The following ABHD18 variants were observed in gnomAD, a reference collection of about 807,000 sequenced individuals.
ABHD18 encodes the protein cardiolipin-specific deacylase, mitochondrial.
In ABHD18, 55 loss-of-function variants were observed where a neutral mutation model predicts 65.9. The ratio of observed to expected loss-of-function variants is 0.84; its 90% CI spans 0.67 to 1.05. ABHD18 has a LOEUF of 1.05. ABHD18 is among the 50% of genes least tolerant of loss of function. The pLI is 0.00. For missense variants in ABHD18, 533 were observed against 558.5 expected, an observed-to-expected ratio of 0.95 and a Z score of 0.46; for synonymous variants, 181 against 180.2, an observed-to-expected ratio of 1.00 and a Z score of -0.04.
At chr4:128,009,258 A>G in intron 6 of ABHD18, 67 bp downstream of exon 6, 1 of 1,041,826 alleles carries the variant, frequency 9.6e-7, no homozygotes, top group Non-Finnish European at 1.3e-6. Context: ...AGTCATCAAA[A>G]GGAATGATAG....
At chr4:127,968,065 C>T (rs1023634252) in intron 1 of ABHD18, among the ~76,000 whole-genome samples, 28 of 152,230 alleles carry the variant, frequency 1.8e-4, no homozygotes, top group Middle Eastern at 3.4e-3. Context: ...AAAAAGTAGC[C>T]GGGCGTGGTG....
intron 1 of ABHD18, among the ~76,000 whole-genome samples, chr4:127,971,778 G>A (rs765613209): frequency 1.4e-4 from 22 of 152,082 alleles, no homozygotes; most frequent in South Asian, 6.2e-4. Flanking sequence ...GTGAGCCACC[G>A]CACCTGGCCT....
chr4:128,019,894 G>T (rs1364509861), intron 8 of ABHD18, among the ~76,000 whole-genome samples, 186 bp from the exon 9 acceptor site: 1 of 152,144 alleles, frequency 6.6e-6, no homozygotes, highest in Non-Finnish European at 1.5e-5. Context: ...TATCTAAGGG[G>T]GAAATTAAAT....
chr4:128,003,509 C>T (rs1753044815), intron 4 of ABHD18, among the ~76,000 whole-genome samples: 1 of 151,140 alleles, frequency 6.6e-6, no homozygotes, highest in Admixed American at 6.6e-5. Flanking sequence ...CCCAATTAAT[C>T]TAAAAAAAAG....
chr4:128,006,040 G>A (rs192834339), intron 4 of ABHD18, among the ~76,000 whole-genome samples: 2 of 152,184 alleles, frequency 1.3e-5, no homozygotes, highest in African/African-American at 4.8e-5. Flanking sequence ...GCCCTAATTT[G>A]GCTTATGCTT....
At chr4:128,014,045 G>T (rs557212541) in intron 7 of ABHD18, among the ~76,000 whole-genome samples, 1 of 146,268 alleles carries the variant, frequency 6.8e-6, no homozygotes, top group South Asian at 2.2e-4. Context: ...GTGCAATGGC[G>T]TGATCTCTGC....
chr4:127,988,767 G>A (rs1335149268), intron 3 of ABHD18, among the ~76,000 whole-genome samples: 1 of 152,078 alleles, frequency 6.6e-6, no homozygotes, highest in Non-Finnish European at 1.5e-5. Flanking sequence ...CAAAAGACAG[G>A]CAGTATTGAA....
At chr4:128,011,819 G>A (rs1318216373) in intron 7 of ABHD18, 119 bp downstream of exon 7, 1 of 407,960 alleles carries the variant, frequency 2.5e-6, no homozygotes, top group South Asian at 4.2e-5. Context: ...ATGGGGGGGG[G>A]GAGTTCTGTT....
At chr4:127,966,702 CAAAAAAAAAAAAAAAAAA>C (rs70966065) in intron 1 of ABHD18, among the ~76,000 whole-genome samples, 36 of 21,540 alleles carry the variant, frequency 1.7e-3, no homozygotes, top group South Asian at 5.7e-3. Flanking sequence ...ACTAAAAATA[CAAAAAAAAAAAAAAAAAA>C]AAAAAAAAAA....
rs186245624 is a variant in ABHD18, at chr4:128,034,237, G to A, written c.1344-1525G>A. Among the ~76,000 whole-genome samples, 45 of 152,128 alleles carry A rather than the reference G, an allele frequency of 3.0e-4. No homozygotes were observed. In the South Asian group the frequency reaches 8.5e-3, roughly 29 times the overall value. ...CTTCCAAAGTGCTGGGATTACAGGC[G>A]TAAGCCACCGCGCCTGGCCTAGACA... On this transcript the variant is annotated intron_variant, in intron 12 of 12. Coordinates refer to ENST00000645843, the MANE Select transcript of ABHD18 (RefSeq NM_001358451.3).
In ABHD18 at chr4:127,967,199, T is replaced by C. The variant is rs542130739; in HGVS notation, c.-18+1593T>C. ...AGAATGGCTCCTAGATAAATATATG[T>C]TGGATGAATGCTCATTGAATTACTT... is the stretch of plus-strand genomic sequence containing the variant. On this transcript the variant is annotated intron_variant, in intron 1 of 12. Transcript: ENST00000645843. Among the ~76,000 whole-genome samples the C allele has an allele frequency of 9.1e-4, 138 of 151,700 alleles. 1 individual carries two copies. The highest frequency in any genetic ancestry group is 3.0e-3 in the African/African-American group (126 of 41,318).
At chr4:127,974,997 CAAAAAAAAA>C (rs34068699) in intron 1 of ABHD18, among the ~76,000 whole-genome samples, 7 of 88,286 alleles carry the variant, frequency 7.9e-5, no homozygotes, top group Non-Finnish European at 1.0e-4. Flanking sequence ...AACTGTGTCT[CAAAAAAAAA>C]AAAAAAAAAA....
chr4:127,990,967 G>A lies in ABHD18; in HGVS notation c.278+1146G>A, dbSNP rs111749322. 1.7e-3 allele frequency among the ~76,000 whole-genome samples: 252 copies of A among 152,126 alleles called. 4 individuals carry two copies. The highest frequency in any genetic ancestry group is 5.5e-3 in the African/African-American group (228 of 41,506). On this transcript the variant is annotated intron_variant, in intron 4 of 12. Coordinates refer to ENST00000645843, the MANE Select transcript of ABHD18 (RefSeq NM_001358451.3). ...TATGCTGTGCCTTTCAGGTTCAAGCGATTCTCATGTCTCAGCCGCCTGAGT... is the reference window on the plus strand; with the variant it reads ...TATGCTGTGCCTTTCAGGTTCAAGCAATTCTCATGTCTCAGCCGCCTGAGT...
At chr4:128,000,398 T>C (rs1458553388) in intron 4 of ABHD18, among the ~76,000 whole-genome samples, 1 of 152,328 alleles carries the variant, frequency 6.6e-6, no homozygotes, top group East Asian at 1.9e-4. Flanking sequence ...TTCTTTTGTC[T>C]GTTATTGTTG....
rs763113382 is a variant in ABHD18 at position 128,028,445 on chromosome 4, A to C, written c.802-30A>C. On this transcript the variant is annotated intron_variant, in intron 10 of 12. Transcript: ENST00000645843. ...CTGTTAATACCCTATTTTATATTAA[A>C]TAATGTTTTCTTTCCTTTCATATGT... is the stretch of plus-strand genomic sequence containing the variant. The C allele has an allele frequency of 1.3e-5, 18 of 1,425,864 alleles. No homozygotes were observed. In the East Asian group the frequency reaches 1.3e-4, roughly 10 times the overall value. The allele number at this position is 1,425,864 out of a possible 1,614,324, so 88.3% of individuals were successfully genotyped here.
intron 11 of ABHD18, among the ~76,000 whole-genome samples, chr4:128,029,490 G>A (rs1304487970): frequency 6.6e-6 from 1 of 152,104 alleles, no homozygotes; most frequent in East Asian, 1.9e-4. Context: ...ACACCAGCCC[G>A]GGCAACATAG....
chr4:128,030,902 C>T (rs1459370763), intron 12 of ABHD18: 2 of 1,219,618 alleles, frequency 1.6e-6, no homozygotes, highest in Non-Finnish European at 2.0e-6. Flanking sequence ...CATGCTTTAT[C>T]GTGTGGCTTT....
chr4:128,000,631 G>T (rs190272041), intron 4 of ABHD18, among the ~76,000 whole-genome samples: 14 of 152,104 alleles, frequency 9.2e-5, no homozygotes, highest in Non-Finnish European at 1.5e-5. Context: ...TTTTGGTTCC[G>T]TATATGAATT....
chr4:128,032,992 G>A (rs149033376), intron 12 of ABHD18, among the ~76,000 whole-genome samples: 4,531 of 152,006 alleles, frequency 0.03, 304 homozygotes, highest in East Asian at 0.27. Flanking sequence ...GGTGGCTCAC[G>A]CCTGTAATCC....
Sources: gnomAD v4.1 joint callset for allele counts (sites outside exome capture counted in the v4.1 genomes callset) on GRCh38, gnomAD v4.1.1 for gene constraint, MANE v1.5 for transcripts, NCBI Gene and HGNC (gene_info 2026-07-23, HGNC 2026-07-21) for gene names.